CHML: variants seen among roughly 807,000 people sequenced by gnomAD.
CHML encodes the protein CHM like Rab escort protein.
Under a neutral mutation model 30.4 loss-of-function variants are expected in CHML, and 20 were observed. That is an observed-to-expected ratio of 0.66 (90% CI 0.46 to 0.95). CHML has a LOEUF of 0.95. Among genes scored for constraint, CHML ranks in the 40% least tolerant of loss-of-function variants. The pLI is 0.00. For missense variants in CHML, 795 were observed against 768.5 expected, an observed-to-expected ratio of 1.03 and a Z score of -0.41; for synonymous variants, 281 against 275.0, an observed-to-expected ratio of 1.02 and a Z score of -0.22.
rs1208292835 is a variant in CHML at position 241,639,910 on chromosome 1, C to G, written c.-336G>C. On this transcript the variant is annotated 5_prime_UTR_variant, in exon 1 of 2. Transcript: ENST00000366553. The stretch of plus-strand genomic sequence containing the variant: ...AGAGGCTGCCGCTAAACCCGTCCCA[C>G]ACGCAGCCCACGGTGTCCCACACCC... The G allele has an allele frequency of 6.3e-7, 1 of 1,596,832 alleles. No individual in the cohort carries two copies. Among genetic ancestry groups the G allele is most frequent in the African/African-American group, 1.4e-5 (1 of 73,610 alleles).
In CHML at chr1:241,639,797, C is replaced by G. The variant is rs1230132994; in HGVS notation, c.-308+85G>C. 3.4e-6 allele frequency: 4 copies of G among 1,160,926 alleles called. No homozygotes were observed. The African/African-American group carries it at 9.4e-5, about 27-fold the overall frequency. 71.9% of individuals were successfully genotyped at this position (1,160,926 alleles called of 1,614,324 possible). On this transcript the variant is annotated intron_variant, in intron 1 of 1. Coordinates refer to ENST00000366553, the MANE Select transcript of CHML (RefSeq NM_001381853.1). ...CGAGCGGGAAGCGGTGCGGGGCGGG[C>G]TGGGGGGCGGACGCACGGAGCGGGC...
rs760842619 is a variant in CHML, at chr1:241,634,140, G to A, written c.1627C>T (p.Leu543Phe). Reference sequence around the variant, plus strand: ...GCCCACAAGAGTCTTGGCTTTGTAAGTTCTTCCTCGTTTATTTCTGTTTCA... The same window carrying A: ...GCCCACAAGAGTCTTGGCTTTGTAAATTCTTCCTCGTTTATTTCTGTTTCA... ...YTETEINEEE[L>F]TKPRLLWALY... is the part of the protein sequence containing the mutation. Residue 543 changes from leucine to phenylalanine, a missense_variant, in exon 2 of 2, where the codon CTT (leucine) becomes TTT (phenylalanine). Coordinates refer to ENST00000366553, the MANE Select transcript of CHML (RefSeq NM_001381853.1). The A allele has an allele frequency of 1.2e-6, 2 of 1,613,206 alleles. No individual in the cohort carries two copies. Among genetic ancestry groups the A allele is most frequent in the Non-Finnish European group, 1.7e-6 (2 of 1,179,702 alleles).
Position 241,633,686 on chromosome 1 carries a change from T to G in CHML, c.*110A>C. ...AGTTAAAGACAACATCTGCATAGCA[T>G]TCATCATATATAACCACTTCTAATT... is the stretch of plus-strand genomic sequence containing the variant. On this transcript the variant is annotated 3_prime_UTR_variant, in exon 2 of 2. Transcript: ENST00000366553. 2 of 1,104,078 alleles carry G rather than the reference T, an allele frequency of 1.8e-6. No homozygotes were observed. Among genetic ancestry groups the G allele is most frequent in the Non-Finnish European group, 2.6e-6 (2 of 759,870 alleles). 68.4% of individuals were successfully genotyped at this position (1,104,078 alleles called of 1,614,324 possible).
rs1022323855 is a variant in CHML, at chr1:241,633,732, T to A, written c.*64A>T. 1.9e-6 allele frequency: 3 copies of A among 1,570,458 alleles called. No individual in the cohort carries two copies. In the African/African-American group the frequency reaches 4.1e-5, roughly 22 times the overall value. On this transcript the variant is annotated 3_prime_UTR_variant, in exon 2 of 2. Transcript: ENST00000366553. ...TAATTACTCATATGGGAAACTGTCC[T>A]TTAAATGAGAAAATTCTGATGCCAT...
In CHML at chr1:241,640,300, G is replaced by GCGGGGCT. The variant is rs1665077404; in HGVS notation, c.-733_-727dup. The GCGGGGCT allele has an allele frequency of 9.0e-5, 100 of 1,115,052 alleles. No homozygotes were observed. Among genetic ancestry groups the GCGGGGCT allele is most frequent in the Non-Finnish European group, 1.1e-4 (98 of 916,928 alleles). The allele number at this position is 1,115,052 out of a possible 1,614,324, so 69.1% of individuals were successfully genotyped here. A position where few individuals can be genotyped will look rare whatever the true frequency, so the allele number is the denominator to read the frequency against. ...GGCGGGCGGAGGCGCTCAGCTTGCG[G>GCGGGGCT]CGGGGCTCGCGGCGCGCTCCGCACT... On this transcript the variant is annotated 5_prime_UTR_variant, in exon 1 of 2. It removes the in-frame stop codon of an upstream open reading frame in the 5' UTR. Transcript: ENST00000366553.
At position 241,634,489 on chromosome 1, in the gene CHML, A is replaced by G. The variant is rs372360469; in HGVS notation, c.1278T>C (p.Gly426=). 194 of 1,613,716 alleles carry G rather than the reference A, an allele frequency of 1.2e-4. No homozygotes were observed. Among genetic ancestry groups the G allele is most frequent in the Non-Finnish European group, 1.5e-4 (180 of 1,179,930 alleles). The part of the protein sequence containing the change: ...GRCKAIIDHF[G]QRINAKYFIV... ...TAAAATATTTAGCATTTATTCTTTG[A>G]CCAAAGTGATCTATAATTGCTTTAC... Residue 426 remains glycine, a synonymous_variant, in exon 2 of 2, where the codon GGT becomes GGC. Transcript: ENST00000366553.
chr1:241,635,737 A>G lies in CHML; in HGVS notation c.30T>C (p.Asp10=), dbSNP rs3765825. Reference sequence around the variant, plus strand: ...GCAAACCTGTCCCTATTATAACCACATCAAACTCTGTGGGAAGATTGTCCG... The same window carrying G: ...GCAAACCTGTCCCTATTATAACCACGTCAAACTCTGTGGGAAGATTGTCCG... The part of the protein sequence containing the change: MADNLPTEF[D]VVIIGTGLPE... Residue 10 remains aspartate, a synonymous_variant, in exon 2 of 2, where the codon GAT becomes GAC. Transcript: ENST00000366553. 3.8e-4 allele frequency: 611 copies of G among 1,612,174 alleles called. 8 individuals are homozygous for G. In the East Asian group the frequency reaches 0.012, roughly 32 times the overall value.
Position 241,636,020 on chromosome 1 carries a change from T to C in CHML, c.-254A>G, listed in dbSNP as rs1347604847. 2.1e-6 allele frequency: 1 copy of C among 484,856 alleles called. No homozygotes were observed. The highest frequency in any genetic ancestry group is 3.6e-6 in the Non-Finnish European group (1 of 276,044). The allele number at this position is 484,856 out of a possible 1,614,324, so 30.0% of individuals were successfully genotyped here. A position where few individuals can be genotyped will look rare whatever the true frequency, so the allele number is the denominator to read the frequency against. ...TGTGGTTTCATTTCTGCATTTCATCTTAGCAGTAAATGTCAAAATGCATCA... is the reference window on the plus strand; with the variant it reads ...TGTGGTTTCATTTCTGCATTTCATCCTAGCAGTAAATGTCAAAATGCATCA... On this transcript the variant is annotated 5_prime_UTR_variant, in exon 2 of 2. An upstream open reading frame in the 5' UTR loses its in-frame stop. Coordinates refer to ENST00000366553, the MANE Select transcript of CHML (RefSeq NM_001381853.1).
In CHML at chr1:241,632,725, C is replaced by T. The variant is rs1664693146; in HGVS notation, c.*1071G>A. 2.0e-5 allele frequency: 3 copies of T among 152,222 alleles called. No homozygotes were observed. In the Middle Eastern group the frequency reaches 0.01, roughly 518 times the overall value. The allele number at this position is 152,222 out of a possible 1,614,324, so 9.4% of individuals were successfully genotyped here. On this transcript the variant is annotated 3_prime_UTR_variant, in exon 2 of 2. Coordinates refer to ENST00000366553, the MANE Select transcript of CHML (RefSeq NM_001381853.1). ...GGGCATGGTAAATCCTCCTTTGATTCATTCCTATCAGTTATGTTATAGTGA... is the reference window on the plus strand; with the variant it reads ...GGGCATGGTAAATCCTCCTTTGATTTATTCCTATCAGTTATGTTATAGTGA...
Position 241,633,627 on chromosome 1 carries a change from G to C in CHML, c.*169C>G. 1 of 705,752 alleles carries C rather than the reference G, an allele frequency of 1.4e-6. No individual in the cohort carries two copies. The highest frequency in any genetic ancestry group is 2.3e-6 in the Non-Finnish European group (1 of 431,004). 43.7% of individuals were successfully genotyped at this position (705,752 alleles called of 1,614,324 possible). A position where few individuals can be genotyped will look rare whatever the true frequency, so the allele number is the denominator to read the frequency against. ...ATAATCAATAAATCACTCATTGATAGGTTAACAAAGATATTCAATGCTGAA... is the reference window on the plus strand; with the variant it reads ...ATAATCAATAAATCACTCATTGATACGTTAACAAAGATATTCAATGCTGAA... On this transcript the variant is annotated 3_prime_UTR_variant, in exon 2 of 2. Coordinates refer to ENST00000366553, the MANE Select transcript of CHML (RefSeq NM_001381853.1).
Position 241,634,597 on chromosome 1 carries a change from AC to A in CHML, c.1169del (p.Cys390LeufsTer21). On this transcript the variant is annotated frameshift_variant, in exon 2 of 2. Transcript: ENST00000366553. LOFTEE classifies it high-confidence loss of function. ...YGQGEIPQGF[C>X]RMCAVFGGIY... ...TTCCACCAAAAACTGCACACATCCT[AC>A]AGAAACCCTGGGGAATTTCTCCTTG... The A allele has an allele frequency of 3.7e-6, 6 of 1,613,876 alleles. No homozygotes were observed. Among genetic ancestry groups the A allele is most frequent in the Non-Finnish European group, 5.1e-6 (6 of 1,179,886 alleles).
At position 241,635,221 on chromosome 1, in the gene CHML, A is replaced by G; in HGVS notation, c.546T>C (p.Cys182=). The G allele has an allele frequency of 1.2e-6, 2 of 1,613,518 alleles. No homozygotes were observed. The highest frequency in any genetic ancestry group is 8.5e-7 in the Non-Finnish European group (1 of 1,179,914). The stretch of plus-strand genomic sequence containing the variant: ...CTGTGTGCATACAAGTTTTATCTCC[A>G]CAATACTTTTCCTTCTCCACTGATT... ...VEESVEKEKY[C]GDKTCMHTVS... is the part of the protein sequence containing the mutation. Residue 182 remains cysteine (C), a synonymous_variant, in exon 2 of 2, where the codon TGT becomes TGC. Coordinates refer to ENST00000366553, the MANE Select transcript of CHML (RefSeq NM_001381853.1).
rs1235557799 is a variant in CHML at position 241,640,111 on chromosome 1, C to T, written c.-537G>A. 1.2e-6 allele frequency: 2 copies of T among 1,602,310 alleles called. No individual in the cohort carries two copies. Among genetic ancestry groups the T allele is most frequent in the Non-Finnish European group, 1.7e-6 (2 of 1,175,252 alleles). On this transcript the variant is annotated 5_prime_UTR_variant, in exon 1 of 2. Transcript: ENST00000366553. ...CGACGCCCAGCAGCCCAATGGAGCC[C>T]AGCAGCAGCGCCAGGCGCTCGTAGG...
rs1664763620 is a variant in CHML at position 241,634,033 on chromosome 1, A to T, written c.1734T>A (p.Ser578=). The change falls in exon 2 of 2, where the codon TCT becomes TCA. Residue 578 remains serine (S), a synonymous_variant. Transcript: ENST00000366553. ...CATTTCCCAGGCCACAGTCAGGCCCAGAGCAGACATAAACATTGGAAGGCA... is the reference window on the plus strand; with the variant it reads ...CATTTCCCAGGCCACAGTCAGGCCCTGAGCAGACATAAACATTGGAAGGCA... ...NGLPSNVYVC[S]GPDCGLGNEH... 6.2e-7 allele frequency: 1 copy of T among 1,613,496 alleles called. No homozygotes were observed. The highest frequency in any genetic ancestry group is 1.1e-5 in the South Asian group (1 of 91,010).
rs1558448350 is a variant in CHML at position 241,635,630 on chromosome 1, T to C, written c.137A>G (p.Asn46Ser). The C allele has an allele frequency of 5.0e-6, 8 of 1,614,128 alleles. No individual in the cohort carries two copies. The highest frequency in any genetic ancestry group is 2.2e-5 in the South Asian group (2 of 91,076). The change falls in exon 2 of 2, where the codon AAC (asparagine) becomes AGC (serine). Residue 46 changes from asparagine to serine, a missense_variant. Asn to Ser is a conservative substitution (Grantham distance 46). Transcript: ENST00000366553. Reference sequence around the variant, plus strand: ...TCCTGAAAAGCTGAAACTAGCCCAGTTTCCTCCATAGTAGCTTCTTGAATC... The same window carrying C: ...TCCTGAAAAGCTGAAACTAGCCCAGCTTCCTCCATAGTAGCTTCTTGAATC... ...HIDSRSYYGGNWASFSFSGLL... is the reference protein window; with the variant it reads ...HIDSRSYYGGSWASFSFSGLL...
intron 1 of CHML, among the ~76,000 whole-genome samples, chr1:241,638,058 T>A (rs1026964527): frequency 6.6e-6 from 1 of 152,200 alleles, no homozygotes; most frequent in African/African-American, 2.4e-5. Flanking sequence ...AAAAACTTTT[T>A]AAACTCTATA....
chr1:241,634,611 G>C lies in CHML; in HGVS notation c.1156C>G (p.Pro386Ala), dbSNP rs1398403545. 1.2e-5 allele frequency: 20 copies of C among 1,613,860 alleles called. No homozygotes were observed. Among genetic ancestry groups the C allele is most frequent in the Non-Finnish European group, 1.7e-5 (20 of 1,179,896 alleles). ...GCACACATCCTACAGAAACCCTGGG[G>C]AATTTCTCCTTGGCCATACAAGGGA... is the stretch of plus-strand genomic sequence containing the variant. The part of the protein sequence containing the change: ...LFPLYGQGEI[P>A]QGFCRMCAVF... Residue 386 changes from proline to alanine, a missense_variant, in exon 2 of 2, where the codon CCC becomes GCC. Transcript: ENST00000366553.
At chr1:241,639,099 G>C (rs191401258) in intron 1 of CHML, 1 of 152,304 alleles carries the variant, frequency 6.6e-6, no homozygotes, top group East Asian at 1.9e-4. Flanking sequence ...CATAATAAGA[G>C]TACTGTCGAA....
Position 241,640,160 on chromosome 1 carries a change from G to A in CHML, c.-586C>T, listed in dbSNP as rs1665067032. ...GGTGCCGGGGCTGAAGAGGGGCGCG[G>A]GGCTCAGTGTCCCCGCCGGCGCCGG... is the stretch of plus-strand genomic sequence containing the variant. On this transcript the variant is annotated 5_prime_UTR_variant, in exon 1 of 2. Coordinates refer to ENST00000366553, the MANE Select transcript of CHML (RefSeq NM_001381853.1). 1 of 1,503,620 alleles carries A rather than the reference G, an allele frequency of 6.7e-7. No homozygotes were observed. Among genetic ancestry groups the A allele is most frequent in the Non-Finnish European group, 8.9e-7 (1 of 1,129,344 alleles). The allele number at this position is 1,503,620 out of a possible 1,614,324, so 93.1% of individuals were successfully genotyped here.
Sources: allele counts gnomAD v4.1 joint callset (sites outside exome capture counted in the v4.1 genomes callset), GRCh38; gene constraint gnomAD v4.1.1; transcripts MANE v1.5; gene names NCBI Gene and HGNC (gene_info 2026-07-23, HGNC 2026-07-21).